The following KDM6A variants were observed in gnomAD, a reference collection of about 807,000 sequenced individuals.
KDM6A encodes lysine demethylase 6A.
In KDM6A, 11 loss-of-function variants were observed where a neutral mutation model predicts 117.6. The observed-to-expected ratio is 0.09, with a 90% CI of 0.06 to 0.15. KDM6A has a LOEUF of 0.15. Ranked by LOEUF, KDM6A falls within the 10% of genes least tolerant of loss-of-function variation. The pLI, the probability that KDM6A is intolerant of heterozygous loss-of-function variation, is 1.00. For synonymous variants in KDM6A, 384 were observed against 396.1 expected (o/e 0.97, Z 0.36); for missense variants, 799 against 1,077.3 (o/e 0.74, Z 3.62).
At chrX:45,107,330 A>T (rs2148286385) in intron 27 of KDM6A, 80 bp from the exon 28 acceptor site, 1 of 965,251 alleles carries the variant, frequency 1.0e-6, no homozygotes, top group South Asian at 1.9e-5. Context: ...TCTTGGCATT[A>T]TTTCTAGTTG....
chrX:44,987,981 T>C (rs951110726), intron 4 of KDM6A, among the ~76,000 whole-genome samples: 1 of 111,939 alleles, frequency 8.9e-6, no homozygotes, highest in Admixed American at 9.5e-5. Flanking sequence ...GAAATTCTCC[T>C]GGATAATATC....
chrX:44,949,487 T>TTAA (rs57560085), intron 2 of KDM6A, among the ~76,000 whole-genome samples: 12,426 of 111,003 alleles, frequency 0.11, 827 homozygotes, highest in African/African-American at 0.25. Context: ...TTTTTTTTTT[T>TTAA]TAAAGCACTT....
At chrX:45,020,771 G>C (rs2147670354) in intron 6 of KDM6A, 41 bp downstream of exon 6, 1 of 1,193,892 alleles carries the variant, frequency 8.4e-7, no homozygotes, top group East Asian at 3.0e-5. Context: ...GTTTAATTTT[G>C]TGGTTTTTTT....
chrX:45,020,771 G>T (rs2147670354), intron 6 of KDM6A, 41 bp downstream of exon 6: 1 of 1,193,892 alleles, frequency 8.4e-7, no homozygotes, highest in Non-Finnish European at 1.1e-6. Flanking sequence ...GTTTAATTTT[G>T]TGGTTTTTTT....
intron 2 of KDM6A, among the ~76,000 whole-genome samples, chrX:44,910,461 CT>C (rs1243457737): frequency 4.8e-5 from 5 of 103,945 alleles, no homozygotes; most frequent in Non-Finnish European, 7.9e-5. Context: ...TTTTAATAAA[CT>C]TTTTTTTTTC....
At chrX:44,967,714 A>G (rs922761213) in intron 3 of KDM6A, among the ~76,000 whole-genome samples, 10 of 112,226 alleles carry the variant, frequency 8.9e-5, no homozygotes, top group Non-Finnish European at 1.3e-4. Context: ...TTTTGCTCTC[A>G]TCTACTTTCT....
rs182542794 is a variant in KDM6A at position 44,912,031 on chromosome X, G to A, written c.225+38044G>A. 2.2e-3 allele frequency among the ~76,000 whole-genome samples: 237 copies of A among 106,051 alleles called. 1 individual carries two copies. The highest frequency in any genetic ancestry group is 8.0e-3 in the African/African-American group (232 of 29,083). 92.1% of individuals were successfully genotyped at this position (106,051 alleles called of 115,157 possible). A position where few individuals can be genotyped will look rare whatever the true frequency, so the allele number is the denominator to read the frequency against. On this transcript the variant is annotated intron_variant, in intron 2 of 29. Coordinates refer to ENST00000611820, the MANE Select transcript of KDM6A (RefSeq NM_001291415.2). ...GGGAGATCGTGGAAAGGAGGGAGAG[G>A]GAGAGAGGGGGAGAGGGGGAGAGGG...
At chrX:45,081,717 C>T (rs1473442238) in intron 21 of KDM6A, among the ~76,000 whole-genome samples, 1 of 111,650 alleles carries the variant, frequency 9.0e-6, no homozygotes, top group Non-Finnish European at 1.9e-5. Context: ...AACTTTGTGG[C>T]TAGTGGAGGA....
At chrX:44,964,177 C>T (rs749456226) in intron 3 of KDM6A, among the ~76,000 whole-genome samples, 7 of 106,327 alleles carry the variant, frequency 6.6e-5, no homozygotes, top group East Asian at 3.3e-4. Flanking sequence ...AGGCCGGGTG[C>T]GGTGGCTCAC....
At chrX:44,986,279 G>T (rs1334761989) in intron 4 of KDM6A, among the ~76,000 whole-genome samples, 5 of 111,084 alleles carry the variant, frequency 4.5e-5, no homozygotes, top group African/African-American at 1.3e-4. Flanking sequence ...TTTTTATTGC[G>T]TCTATTTGAT....
At chrX:44,899,325 C>T (rs1424421316) in intron 2 of KDM6A, among the ~76,000 whole-genome samples, 1 of 103,582 alleles carries the variant, frequency 9.7e-6, no homozygotes, top group Non-Finnish European at 2.0e-5. Flanking sequence ...TTTTGGTAAG[C>T]TTACTCTTTT....
intron 3 of KDM6A, among the ~76,000 whole-genome samples, chrX:44,974,157 A>G (rs1356940566): frequency 9.0e-6 from 1 of 111,459 alleles, no homozygotes. Flanking sequence ...TATGATATCC[A>G]TGGCCTTTTG....
chrX:45,098,602 G>A (rs1914314042), intron 27 of KDM6A, among the ~76,000 whole-genome samples: 2 of 112,552 alleles, frequency 1.8e-5, no homozygotes, highest in Admixed American at 1.9e-4. Flanking sequence ...CAAGATTTAA[G>A]TTGAAATTTC....
intron 10 of KDM6A, among the ~76,000 whole-genome samples, chrX:45,058,795 A>G (rs1013966236): frequency 1.8e-5 from 2 of 111,158 alleles, no homozygotes; most frequent in Admixed American, 9.6e-5. Context: ...TTTAGCACCT[A>G]TAAGACAGAC....
At chrX:45,014,185 G>T (rs141967770) in intron 5 of KDM6A, among the ~76,000 whole-genome samples, 1 of 112,263 alleles carries the variant, frequency 8.9e-6, no homozygotes, top group South Asian at 3.7e-4. Flanking sequence ...TGTGACCAAC[G>T]TGTGTCTGAG....
intron 2 of KDM6A, among the ~76,000 whole-genome samples, chrX:44,935,848 T>C (rs779056610): frequency 8.9e-6 from 1 of 111,860 alleles, no homozygotes; most frequent in South Asian, 3.7e-4. Flanking sequence ...AGAAGGATAT[T>C]GCGCAGGAAA....
chrX:45,103,830 C>T lies in KDM6A; in HGVS notation c.4035-3580C>T, dbSNP rs772346444. Among the ~76,000 whole-genome samples, 8 of 111,576 alleles carry T rather than the reference C, an allele frequency of 7.2e-5. No individual in the cohort carries two copies. In the South Asian group the frequency reaches 3.0e-3, roughly 42 times the overall value. ...CTTTTTGTGTAGTCTTTCATCGAAACAACTAAAAACAGGGATTGGGTCCTG... is the reference window on the plus strand; with the variant it reads ...CTTTTTGTGTAGTCTTTCATCGAAATAACTAAAAACAGGGATTGGGTCCTG... On this transcript the variant is annotated intron_variant, in intron 27 of 29. Transcript: ENST00000611820.
chrX:44,957,540 A>G (rs943696263), intron 2 of KDM6A, among the ~76,000 whole-genome samples: 1 of 112,331 alleles, frequency 8.9e-6, no homozygotes, highest in Non-Finnish European at 1.9e-5. Context: ...ACAGTGCAGC[A>G]GATACCAAGC....
intron 2 of KDM6A, among the ~76,000 whole-genome samples, chrX:44,923,587 C>T (rs1234468652): frequency 1.1e-5 from 1 of 90,787 alleles, no homozygotes; most frequent in African/African-American, 4.1e-5. Context: ...CTCTGTCGTC[C>T]AGGCTACAGT....
Sources: gnomAD v4.1 joint callset for allele counts (sites outside exome capture counted in the v4.1 genomes callset) on GRCh38, gnomAD v4.1.1 for gene constraint, MANE v1.5 for transcripts, NCBI Gene and HGNC (gene_info 2026-07-23, HGNC 2026-07-21) for gene names.